Variants in SOS1 observed in about 807,000 individuals in gnomAD.
The protein encoded by SOS1 is SOS Ras/Rac guanine nucleotide exchange factor 1.
In SOS1, 25 loss-of-function variants were observed where a neutral mutation model predicts 157.6. That is an observed-to-expected ratio of 0.16 (90% confidence interval 0.12 to 0.22). The LOEUF is 0.22. SOS1 is among the 10% of genes least tolerant of loss of function. The probability of loss-of-function intolerance (pLI) is 1.00; values close to 1 mark genes in which losing one functional copy is unlikely to be tolerated. For synonymous variants in SOS1, 528 were observed against 534.0 expected (o/e 0.99, Z 0.16); for missense variants, 1,237 against 1,599.1 (o/e 0.77, Z 3.86).
rs540299105 is a variant in SOS1, at chr2:39,020,243, G to A, written c.1858+2327C>T. Reference sequence around the variant, plus strand: ...CTATAGCTCCATTTTGTACATTACTGTTAAAATATTTGAGGGATAAAGTTG... The same window carrying A: ...CTATAGCTCCATTTTGTACATTACTATTAAAATATTTGAGGGATAAAGTTG... On this transcript the variant is annotated intron_variant, in intron 10 of 22. Coordinates refer to ENST00000402219, the MANE Select transcript of SOS1 (RefSeq NM_005633.4). Among the ~76,000 whole-genome samples, 3 of 151,710 alleles carry A rather than the reference G, an allele frequency of 2.0e-5. No homozygotes were observed. The South Asian group carries it at 6.2e-4, about 32-fold the overall frequency.
In SOS1 at chr2:39,120,983, G is replaced by GCCGCCGCCA. The variant is rs910938211; in HGVS notation, c.-570_-562dup. 36 of 176,196 alleles carry GCCGCCGCCA rather than the reference G, an allele frequency of 2.0e-4. 1 individual carries two copies. The highest frequency in any genetic ancestry group is 4.1e-4 in the African/African-American group (17 of 41,770). The allele number at this position is 176,196 out of a possible 1,614,324, so 10.9% of individuals were successfully genotyped here. On this transcript the variant is annotated 5_prime_UTR_variant, in exon 1 of 23. Coordinates refer to ENST00000402219, the MANE Select transcript of SOS1 (RefSeq NM_005633.4). ...GCTGCCCTGAGGTGCCGCCGCGGCC[G>GCCGCCGCCA]CCGCCGCCACCGCCGCCGCCGGTGT...
At chr2:39,069,282 A>G (rs1438594729) in intron 1 of SOS1, among the ~76,000 whole-genome samples, 1 of 146,384 alleles carries the variant, frequency 6.8e-6, no homozygotes, top group African/African-American at 2.5e-5. Context: ...GGCTGAGGTG[A>G]CGTGGAAGGA....
chr2:39,123,264 C>T (rs1673958514), upstream of SOS1, among the ~76,000 whole-genome samples: 1 of 152,138 alleles, frequency 6.6e-6, no homozygotes, highest in Non-Finnish European at 1.5e-5. Flanking sequence ...TTCCTGCTAG[C>T]ACTAAATCAA....
chr2:39,005,708 T>TA (rs1222205105), intron 17 of SOS1, among the ~76,000 whole-genome samples: 6 of 151,954 alleles, frequency 3.9e-5, no homozygotes, highest in African/African-American at 1.4e-4. Context: ...ATATAAAAAA[T>TA]ATAGATGAGG....
At chr2:39,075,505 T>C (rs1671938373) in intron 1 of SOS1, among the ~76,000 whole-genome samples, 1 of 151,566 alleles carries the variant, frequency 6.6e-6, no homozygotes, top group South Asian at 2.1e-4. Flanking sequence ...AGTTAATAAA[T>C]AAAAAACAAA....
rs1669533747 is a variant in SOS1 at position 39,013,536 on chromosome 2, T to A, written c.2091A>T (p.Val697=). The change falls in exon 13 of 23, where the codon GTA becomes GTT. Residue 697 remains valine (V), a synonymous_variant. Coordinates refer to ENST00000402219, the MANE Select transcript of SOS1 (RefSeq NM_005633.4). ...TTTCAAAATCATAGAAGTGGTGCTCTACCCAGTGCCGACATACATTTAATA... is the reference window on the plus strand; with the variant it reads ...TTTCAAAATCATAGAAGTGGTGCTCAACCCAGTGCCGACATACATTTAATA... ...LRVLNVCRHW[V]EHHFYDFERD... 1 of 1,611,132 alleles carries A rather than the reference T, an allele frequency of 6.2e-7. No homozygotes were observed. Among genetic ancestry groups the A allele is most frequent in the African/African-American group, 1.3e-5 (1 of 74,820 alleles).
rs1668404671 is a variant in SOS1 at position 38,981,745 on chromosome 2, A to T, written c.*4079T>A. ...ACCACACTTTGTTCTTACATCAAAG[A>T]CCGACCGACAGAGCAATTTTTTGAC... On this transcript the variant is annotated 3_prime_UTR_variant, in exon 23 of 23. Coordinates refer to ENST00000402219, the MANE Select transcript of SOS1 (RefSeq NM_005633.4). 1 of 152,176 alleles carries T rather than the reference A, an allele frequency of 6.6e-6. No homozygotes were observed. The highest frequency in any genetic ancestry group is 1.5e-5 in the Non-Finnish European group (1 of 68,006). 9.4% of individuals were successfully genotyped at this position (152,176 alleles called of 1,614,324 possible).
intron 2 of SOS1, among the ~76,000 whole-genome samples, chr2:39,061,534 C>G (rs988734139): frequency 1.3e-5 from 2 of 152,006 alleles, no homozygotes; most frequent in Admixed American, 1.3e-4. Flanking sequence ...ACTATAAGTA[C>G]GTGCACCATG....
At position 39,054,900 on chromosome 2, in the gene SOS1, C is replaced by T. The variant is rs1572857917; in HGVS notation, c.511-77G>A. On this transcript the variant is annotated intron_variant, in intron 4 of 22. Transcript: ENST00000402219. ...AATTTGATGTGAAATGCTCTAAGTT[C>T]TCTGAATAAAGTTCTTAAATGATAA... is the stretch of plus-strand genomic sequence containing the variant. 3.7e-6 allele frequency: 3 copies of T among 820,298 alleles called. No homozygotes were observed. The East Asian group carries it at 7.3e-5, about 20-fold the overall frequency. The allele number at this position is 820,298 out of a possible 1,614,324, so 50.8% of individuals were successfully genotyped here. A position where few individuals can be genotyped will look rare whatever the true frequency, so the allele number is the denominator to read the frequency against.
At chr2:38,997,512 G>T (rs1415825905) in intron 17 of SOS1, 87 bp from the exon 18 acceptor site, 2 of 847,784 alleles carry the variant, frequency 2.4e-6, no homozygotes, top group Non-Finnish European at 1.9e-6. Context: ...ATATTACACT[G>T]TACCATCTCA....
intron 14 of SOS1, 112 bp downstream of exon 14, chr2:39,012,014 T>C (rs1009513933): frequency 1.5e-5 from 12 of 808,222 alleles, no homozygotes; most frequent in Non-Finnish European, 2.4e-5. Context: ...AGACACTTCA[T>C]GTAATATTTC....
intron 1 of SOS1, among the ~76,000 whole-genome samples, chr2:39,102,512 C>A (rs1333035649): frequency 1.1e-5 from 1 of 92,204 alleles, no homozygotes; most frequent in African/African-American, 4.4e-5. Context: ...GCCTGGGCAA[C>A]AGAGCAAGAC....
At chr2:39,090,003 G>T (rs969879774) in intron 1 of SOS1, among the ~76,000 whole-genome samples, 1 of 151,476 alleles carries the variant, frequency 6.6e-6, no homozygotes, top group African/African-American at 2.4e-5. Context: ...AGCCAGGCAT[G>T]GTGGCACACG....
intron 3 of SOS1, among the ~76,000 whole-genome samples, chr2:39,058,450 G>A (rs576164304): frequency 6.6e-6 from 1 of 152,036 alleles, no homozygotes; most frequent in South Asian, 2.1e-4. Context: ...CTCTCAACTT[G>A]CTTATTACTA....
At position 39,017,611 on chromosome 2, in the gene SOS1, G is replaced by C. The variant is rs534649836; in HGVS notation, c.1859-2765C>G. ...TCTTGCCAAAAAGACAAAAGCAGCA[G>C]AAACTAAAAACAAACCAAGAAAATC... On this transcript the variant is annotated intron_variant, in intron 10 of 22. Coordinates refer to ENST00000402219, the MANE Select transcript of SOS1 (RefSeq NM_005633.4). Among the ~76,000 whole-genome samples the C allele has an allele frequency of 9.2e-5, 14 of 151,944 alleles. No individual in the cohort carries two copies. In the South Asian group the frequency reaches 2.9e-3, roughly 32 times the overall value.
In SOS1 at chr2:39,001,302, A is replaced by G. The variant is rs78977995; in HGVS notation, c.2792-3877T>C. On this transcript the variant is annotated intron_variant, in intron 17 of 22. Transcript: ENST00000402219. ...GGTCTTGAACTCCTGGCCCTAAGCA[A>G]TTCGCTCACCTCAACCTCTCAAAGT... Among the ~76,000 whole-genome samples, 469 of 152,308 alleles carry G rather than the reference A, an allele frequency of 3.1e-3. 2 individuals carry two copies. The highest frequency in any genetic ancestry group is 0.01 in the African/African-American group (425 of 41,572).
intron 1 of SOS1, among the ~76,000 whole-genome samples, chr2:39,070,025 C>G (rs1572869592): frequency 6.6e-6 from 1 of 152,164 alleles, no homozygotes; most frequent in Non-Finnish European, 1.5e-5. Flanking sequence ...AAATAATAGA[C>G]AGTGTGTACT....
chr2:39,002,340 T>C lies in SOS1; in HGVS notation c.2791+4072A>G, dbSNP rs561856064. ...AACTGTCTTAAAAAAAAAGAGAACA[T>C]GTTATGAAGATCAGTTAAGTTTATA... On this transcript the variant is annotated intron_variant, in intron 17 of 22. Coordinates refer to ENST00000402219, the MANE Select transcript of SOS1 (RefSeq NM_005633.4). 1.8e-4 allele frequency among the ~76,000 whole-genome samples: 28 copies of C among 151,628 alleles called. No homozygotes were observed. The South Asian group carries it at 5.9e-3, about 32-fold the overall frequency.
intron 1 of SOS1, among the ~76,000 whole-genome samples, chr2:39,082,967 C>G (rs7581759): frequency 8.8e-4 from 134 of 152,194 alleles, no homozygotes; most frequent in African/African-American, 3.2e-3. Context: ...ATTAGTAAGG[C>G]TTTGGGGAGC....
Sources: allele counts gnomAD v4.1 joint callset (sites outside exome capture counted in the v4.1 genomes callset), GRCh38; gene constraint gnomAD v4.1.1; transcripts MANE v1.5; gene names NCBI Gene and HGNC (gene_info 2026-07-23, HGNC 2026-07-21).